MAMDC2: variants seen among roughly 807,000 people sequenced by gnomAD.
MAMDC2 encodes MAM domain-containing protein 2.
In MAMDC2, 57 loss-of-function variants were observed where a neutral mutation model predicts 89.8. That is an observed-to-expected ratio of 0.63 (90% CI 0.51 to 0.79). MAMDC2 has a LOEUF of 0.79. Ranked by LOEUF, MAMDC2 falls within the 30% of genes least tolerant of loss-of-function variation. The probability of loss-of-function intolerance (pLI) is 0.00; values close to 1 mark genes in which losing one functional copy is unlikely to be tolerated. For synonymous variants in MAMDC2, 313 were observed against 293.4 expected (o/e 1.07, Z -0.68); for missense variants, 800 against 820.6 (o/e 0.97, Z 0.31).
chr9:70,044,385 CTGGGGTGGGGGT>C, intron 1 of MAMDC2, among the ~76,000 whole-genome samples, 154 bp downstream of exon 1: 1 of 33,522 alleles, frequency 3.0e-5, no homozygotes, highest in Non-Finnish European at 6.7e-5. Flanking sequence ...CTGGCCAAGC[CTGGGGTGGGGGT>C]GGGGGTGGGC....
chr9:70,154,020 A>G (rs2031666578), intron 9 of MAMDC2: 1 of 152,228 alleles, frequency 6.6e-6, no homozygotes, highest in South Asian at 2.1e-4. Flanking sequence ...TAAAGAATCC[A>G]GTTTAACCTT....
At chr9:70,149,022 C>T (rs1289566871) in intron 9 of MAMDC2, among the ~76,000 whole-genome samples, 7 of 122,160 alleles carry the variant, frequency 5.7e-5, no homozygotes, top group African/African-American at 2.2e-4. Flanking sequence ...GAGCAAGACT[C>T]TGTCTCAAAA....
intron 5 of MAMDC2, among the ~76,000 whole-genome samples, chr9:70,119,674 A>G (rs967362106): frequency 6.6e-6 from 1 of 152,200 alleles, no homozygotes; most frequent in Non-Finnish European, 1.5e-5. Flanking sequence ...AGATCTTCCC[A>G]GAGACTGGGC....
chr9:70,182,942 G>C (rs1016356416), intron 11 of MAMDC2, among the ~76,000 whole-genome samples: 9 of 152,084 alleles, frequency 5.9e-5, no homozygotes. Context: ...TGTGATGTTA[G>C]GGTGTCGATT....
intron 8 of MAMDC2, among the ~76,000 whole-genome samples, chr9:70,142,929 G>A (rs1042638218): frequency 3.3e-5 from 5 of 152,114 alleles, no homozygotes; most frequent in Non-Finnish European, 7.4e-5. Context: ...GGGAGGGGGA[G>A]GTTCCTGATC....
chr9:70,110,273 C>T (rs1486620766), intron 4 of MAMDC2, among the ~76,000 whole-genome samples: 1 of 152,192 alleles, frequency 6.6e-6, no homozygotes. Flanking sequence ...TATCTGCCAG[C>T]TTCCAAGAGG....
At chr9:70,214,759 T>C (rs2033414677) in intron 11 of MAMDC2, among the ~76,000 whole-genome samples, 1 of 152,154 alleles carries the variant, frequency 6.6e-6, no homozygotes, top group African/African-American at 2.4e-5. Context: ...ATTCTGGATA[T>C]ATTTTAAAGG....
chr9:70,205,283 T>TC (rs1388894162), intron 11 of MAMDC2, among the ~76,000 whole-genome samples: 2 of 152,230 alleles, frequency 1.3e-5, no homozygotes, highest in Non-Finnish European at 2.9e-5. Context: ...AGCTTTTTTT[T>TC]CATTTCCCAA....
chr9:70,108,863 C>T (rs1828420061), intron 3 of MAMDC2, among the ~76,000 whole-genome samples: 1 of 152,024 alleles, frequency 6.6e-6, no homozygotes, highest in Admixed American at 6.6e-5. Flanking sequence ...TTCTTTGCTA[C>T]AAATTTTGAA....
intron 9 of MAMDC2, among the ~76,000 whole-genome samples, chr9:70,152,711 G>A (rs2031622514): frequency 6.6e-6 from 1 of 152,032 alleles, no homozygotes; most frequent in South Asian, 2.1e-4. Flanking sequence ...AAATAACTTT[G>A]GCTCCTAGGA....
At chr9:70,211,244 C>T (rs552706014) in intron 11 of MAMDC2, among the ~76,000 whole-genome samples, 25 of 152,314 alleles carry the variant, frequency 1.6e-4, no homozygotes, top group Middle Eastern at 6.8e-3. Context: ...CCATCCTCCC[C>T]GTCACTTTCA....
intron 2 of MAMDC2, among the ~76,000 whole-genome samples, chr9:70,046,433 G>C (rs1358884650): frequency 1.3e-5 from 2 of 152,222 alleles, no homozygotes; most frequent in Non-Finnish European, 2.9e-5. Context: ...TCATCCTAGT[G>C]CTGGCCCTGA....
chr9:70,173,371 A>G (rs757963031), intron 11 of MAMDC2, among the ~76,000 whole-genome samples: 2 of 152,140 alleles, frequency 1.3e-5, no homozygotes, highest in Non-Finnish European at 2.9e-5. Context: ...TGCCTATGGA[A>G]TGAATGAATG....
At chr9:70,159,620 A>G (rs2118484533) in intron 9 of MAMDC2, among the ~76,000 whole-genome samples, 1 of 152,342 alleles carries the variant, frequency 6.6e-6, no homozygotes, top group South Asian at 2.1e-4. Context: ...AGGCAAGAGG[A>G]GGACCTAGAT....
chr9:70,145,722 G>A (rs997848503), intron 9 of MAMDC2, among the ~76,000 whole-genome samples: 3 of 151,798 alleles, frequency 2.0e-5, no homozygotes, highest in African/African-American at 7.3e-5. Flanking sequence ...TATTCATTTG[G>A]CTTTGATTTA....
chr9:70,110,958 A>G (rs1026056203), intron 4 of MAMDC2, among the ~76,000 whole-genome samples: 3 of 152,218 alleles, frequency 2.0e-5, no homozygotes, highest in African/African-American at 7.2e-5. Context: ...TCTGAACGAC[A>G]ACAACAACAA....
chr9:70,064,545 C>T (rs1449609990), intron 2 of MAMDC2, among the ~76,000 whole-genome samples: 6 of 152,138 alleles, frequency 3.9e-5, no homozygotes, highest in Non-Finnish European at 8.8e-5. Flanking sequence ...ACTGCGTTTG[C>T]ACTTGGAGAC....
chr9:70,178,756 A>C (rs145487093), intron 11 of MAMDC2, among the ~76,000 whole-genome samples: 1 of 152,210 alleles, frequency 6.6e-6, no homozygotes. Context: ...CAGAGTTATA[A>C]TAAGTCAAGT....
Position 70,226,205 on chromosome 9 carries a change from TC to T in MAMDC2, c.*174del, listed in dbSNP as rs2033638003. ...ACATACTGACTCAGGGCTCTTTTTT[TC>T]TTTTTGCATATGACAACTGTTACTA... On this transcript the variant is annotated 3_prime_UTR_variant, in exon 14 of 14. Transcript: ENST00000377182. 6.7e-6 allele frequency: 3 copies of T among 446,458 alleles called. No homozygotes were observed. Among genetic ancestry groups the T allele is most frequent in the Non-Finnish European group, 1.2e-5 (3 of 248,004 alleles). The allele number at this position is 446,458 out of a possible 1,614,324, so 27.7% of individuals were successfully genotyped here. A position where few individuals can be genotyped will look rare whatever the true frequency, so the allele number is the denominator to read the frequency against.
Sources: gnomAD v4.1 joint callset for allele counts (sites outside exome capture counted in the v4.1 genomes callset) on GRCh38, gnomAD v4.1.1 for gene constraint, MANE v1.5 for transcripts, NCBI Gene and HGNC (gene_info 2026-07-23, HGNC 2026-07-21) for gene names.